The following TECPR2 variants were observed in gnomAD, a reference collection of about 807,000 sequenced individuals.
TECPR2 encodes the protein tectonin beta-propeller repeat-containing protein 2.
A neutral mutation model predicts 138.1 loss-of-function variants in TECPR2; 65 were observed. That is an observed-to-expected ratio of 0.47 (90% confidence interval 0.39 to 0.58). The LOEUF is 0.58. TECPR2 is among the 20% of genes least tolerant of loss of function. The pLI is 0.00. For missense variants in TECPR2, 1,553 were observed against 1,824.5 expected (o/e 0.85, Z 2.71); for synonymous variants, 746 against 749.8 (o/e 0.99, Z 0.08).
chr14:102,368,444 G>A (rs1378445391), intron 1 of TECPR2, among the ~76,000 whole-genome samples: 1 of 152,108 alleles, frequency 6.6e-6, no homozygotes, highest in Non-Finnish European at 1.5e-5. Flanking sequence ...GGGTTCAATC[G>A]ATCTTCCCAC....
intron 17 of TECPR2, among the ~76,000 whole-genome samples, chr14:102,481,369 GA>G (rs1461065988): frequency 6.6e-6 from 1 of 152,110 alleles, no homozygotes; most frequent in African/African-American, 2.4e-5. Context: ...GGCTGGTCTG[GA>G]ACTCCTGACC....
rs79894244 is a variant in TECPR2, at chr14:102,443,472, A to C, written c.2753-175A>C. ...TTGAGATCAGCCTGGGCAACGTAGA[A>C]AGGCCCCGTCTATATTTTTAATTAA... is the stretch of plus-strand genomic sequence containing the variant. On this transcript the variant is annotated intron_variant, in intron 11 of 19. Transcript: ENST00000359520. The surrounding 1 kb of genome is among the most constrained non-coding windows in gnomAD (Gnocchi z 4.9). 5.0e-4 allele frequency among the ~76,000 whole-genome samples: 76 copies of C among 152,242 alleles called. 1 individual carries two copies. The East Asian group carries it at 0.013, about 25-fold the overall frequency.
intron 5 of TECPR2, among the ~76,000 whole-genome samples, chr14:102,418,342 T>G (rs575860661): frequency 6.6e-6 from 1 of 152,294 alleles, no homozygotes; most frequent in Admixed American, 6.5e-5. Flanking sequence ...GGGAGCTGTG[T>G]GCAGAGTAGT....
intron 17 of TECPR2, among the ~76,000 whole-genome samples, chr14:102,491,055 C>G (rs1891148625): frequency 6.6e-6 from 1 of 151,932 alleles, no homozygotes; most frequent in African/African-American, 2.4e-5. Flanking sequence ...CCACCATGCC[C>G]GATTAATTTT....
intron 1 of TECPR2, among the ~76,000 whole-genome samples, chr14:102,374,555 A>G (rs936994140): frequency 2.0e-5 from 3 of 152,162 alleles, no homozygotes; most frequent in African/African-American, 7.2e-5. Context: ...TGAGCCCAGG[A>G]GTTGGAGACC....
chr14:102,496,648 G>A (rs901894243), intron 17 of TECPR2, among the ~76,000 whole-genome samples: 1 of 152,176 alleles, frequency 6.6e-6, no homozygotes, highest in Non-Finnish European at 1.5e-5. Flanking sequence ...GCCCACCATG[G>A]TCCTTCACAG....
At chr14:102,457,641 T>C (rs1459446954) in intron 16 of TECPR2, among the ~76,000 whole-genome samples, 9 of 152,210 alleles carry the variant, frequency 5.9e-5, no homozygotes, top group Non-Finnish European at 5.9e-5. Flanking sequence ...ACACCTGTAA[T>C]CCTAGCACTT....
chr14:102,449,877 A>G lies in TECPR2; in HGVS notation c.3316+8A>G, dbSNP rs765124387. On this transcript the variant is annotated splice_region_variant and intron_variant, in intron 14 of 19. Coordinates refer to ENST00000359520, the MANE Select transcript of TECPR2 (RefSeq NM_014844.5). ...CTAAGGGAAGTCTCATAGGTGGGTG[A>G]ATTGCTGTAATTTTCACACTGGCTT... The G allele has an allele frequency of 2.5e-6, 4 of 1,610,810 alleles. No homozygotes were observed. The highest frequency in any genetic ancestry group is 3.4e-6 in the Non-Finnish European group (4 of 1,178,820).
At chr14:102,465,080 G>A in intron 16 of TECPR2, 61 bp from the exon 17 acceptor site, 1 of 1,575,826 alleles carries the variant, frequency 6.3e-7, no homozygotes, top group Non-Finnish European at 8.6e-7. Context: ...TCATAGATTA[G>A]ATGAAAGAAT....
chr14:102,383,038 G>A (rs955311776), intron 2 of TECPR2, among the ~76,000 whole-genome samples: 4 of 152,098 alleles, frequency 2.6e-5, no homozygotes, highest in African/African-American at 9.7e-5. Context: ...GATGACAGGC[G>A]TGAGCCACTG....
intron 7 of TECPR2, among the ~76,000 whole-genome samples, chr14:102,428,671 A>T (rs1889391775): frequency 6.6e-6 from 1 of 151,946 alleles, no homozygotes; most frequent in African/African-American, 2.4e-5. Flanking sequence ...CTGAGGTGGG[A>T]GGATCGCTTG....
At chr14:102,374,475 T>TTC (rs1887592092) in intron 1 of TECPR2, among the ~76,000 whole-genome samples, 1 of 152,180 alleles carries the variant, frequency 6.6e-6, no homozygotes, top group Admixed American at 6.5e-5. Flanking sequence ...TCAAGTGATC[T>TTC]TCCTGGCTGA....
chr14:102,454,976 G>T (rs1035387600), intron 16 of TECPR2, among the ~76,000 whole-genome samples: 1 of 152,228 alleles, frequency 6.6e-6, no homozygotes, highest in African/African-American at 2.4e-5. Context: ...CTCCTGGCTC[G>T]ATCCAGTCCT....
intron 16 of TECPR2, among the ~76,000 whole-genome samples, chr14:102,458,148 A>C (rs527748766): frequency 7.2e-5 from 11 of 152,032 alleles, no homozygotes; most frequent in African/African-American, 2.4e-4. Flanking sequence ...TGCTGGGATT[A>C]TAGGTGTGAG....
At chr14:102,465,791 G>A (rs1233148242) in intron 17 of TECPR2, 1 of 308,826 alleles carries the variant, frequency 3.2e-6, no homozygotes, top group Non-Finnish European at 4.7e-6. Flanking sequence ...TCCCAACACA[G>A]AGTCTGTGTT....
At chr14:102,426,107 G>A (rs561945205) in intron 6 of TECPR2, among the ~76,000 whole-genome samples, 104 of 151,740 alleles carry the variant, frequency 6.9e-4, no homozygotes, top group African/African-American at 2.4e-3. Flanking sequence ...GGCTGGTCTC[G>A]AACTCCTGAC....
intron 17 of TECPR2, among the ~76,000 whole-genome samples, chr14:102,478,914 G>A (rs1339118844): frequency 6.6e-6 from 1 of 151,646 alleles, no homozygotes; most frequent in Non-Finnish European, 1.5e-5. Flanking sequence ...CTACTCGGGA[G>A]GCTGAGATGG....
At chr14:102,401,193 C>A (rs556660858) in intron 2 of TECPR2, among the ~76,000 whole-genome samples, 1 of 151,876 alleles carries the variant, frequency 6.6e-6, no homozygotes, top group Non-Finnish European at 1.5e-5. Context: ...AATCCCAGCA[C>A]TTTGGGAGGC....
chr14:102,464,086 C>A (rs1004795848), intron 16 of TECPR2, among the ~76,000 whole-genome samples: 1 of 152,216 alleles, frequency 6.6e-6, no homozygotes, highest in Admixed American at 6.5e-5. Context: ...CCTGGCCTGG[C>A]CACCTCCTGC....
Sources: gnomAD v4.1 joint callset for allele counts (sites outside exome capture counted in the v4.1 genomes callset) on GRCh38, gnomAD v4.1.1 for gene constraint, Gnocchi (gnomAD v3.1) non-coding constraint, MANE v1.5 for transcripts, NCBI Gene and HGNC (gene_info 2026-07-23, HGNC 2026-07-21) for gene names.